The following ZNF736 variants were observed in gnomAD, a reference collection of about 807,000 sequenced individuals.
ZNF736 encodes KRAB-containing zinc-finger repressor protein.
In ZNF736, 6 loss-of-function variants were observed where a neutral mutation model predicts 11.7. That is an observed-to-expected ratio of 0.51 (90% CI 0.28 to 1.01). The LOEUF is 1.01. Among genes scored for constraint, ZNF736 ranks in the 50% least tolerant of loss-of-function variants. The probability of loss-of-function intolerance (pLI) is 0.09; values close to 1 mark genes in which losing one functional copy is unlikely to be tolerated. For synonymous variants in ZNF736, 139 were observed against 164.7 expected (o/e 0.84, Z 1.19); for missense variants, 444 against 496.0 (o/e 0.90, Z 1.00).
intron 1 of ZNF736, among the ~76,000 whole-genome samples, chr7:64,324,650 A>G (rs1789058537): frequency 6.6e-6 from 1 of 152,198 alleles, no homozygotes; most frequent in Admixed American, 6.5e-5. Context: ...CTGTCCTCAG[A>G]CGCTAAATCT....
chr7:64,355,946 T>A lies in ZNF736; in HGVS notation c.*6799T>A, dbSNP rs1348087377. 1.6e-5 allele frequency: 3 copies of A among 190,614 alleles called. No individual in the cohort carries two copies. Among genetic ancestry groups the A allele is most frequent in the African/African-American group, 7.1e-5 (3 of 42,544 alleles). 11.8% of individuals were successfully genotyped at this position (190,614 alleles called of 1,614,324 possible). ...ATCAGCCTTCAGTTCTGGGTTGATT[T>A]GGGGGCAATTGGATGATATATAGAG... On this transcript the variant is annotated 3_prime_UTR_variant, in exon 4 of 4. Transcript: ENST00000423484.
rs544894252 is a variant in ZNF736, at chr7:64,348,859, G to C, written c.996G>C (p.Lys332Asn). 1 of 1,605,260 alleles carries C rather than the reference G, an allele frequency of 6.2e-7. No individual in the cohort carries two copies. The highest frequency in any genetic ancestry group is 1.1e-5 in the South Asian group (1 of 90,140). ...GGTTCTCGGCCCTTAGTAAACATAAGAGAATTCATACTGGAGAGAAACCCT... is the reference window on the plus strand; with the variant it reads ...GGTTCTCGGCCCTTAGTAAACATAACAGAATTCATACTGGAGAGAAACCCT... ...FKWFSALSKH[K>N]RIHTGEKPYI... is the part of the protein sequence containing the mutation. Residue 332 changes from lysine (K) to asparagine (N), a missense_variant, in exon 4 of 4, where the codon AAG becomes AAC. By Grantham distance (94) the Lys-to-Asn change is moderately conservative. Coordinates refer to ENST00000423484, the MANE Select transcript of ZNF736 (RefSeq NM_001170905.3).
chr7:64,349,219 G>A lies in ZNF736; in HGVS notation c.*72G>A, dbSNP rs1789454470. On this transcript the variant is annotated 3_prime_UTR_variant, in exon 4 of 4. Transcript: ENST00000423484. ...TGAAATTTAATACTGAACAAATGCA[G>A]TATAAATGTAATGACAGTGGAAGAA... 2 of 1,237,790 alleles carry A rather than the reference G, an allele frequency of 1.6e-6. No individual in the cohort carries two copies. The highest frequency in any genetic ancestry group is 2.9e-5 in the Admixed American group (1 of 34,558). 76.7% of individuals were successfully genotyped at this position (1,237,790 alleles called of 1,614,324 possible).
At chr7:64,347,217 C>CTTTTTTTTTTTTTTT (rs35033527) in intron 3 of ZNF736, among the ~76,000 whole-genome samples, 11 of 55,870 alleles carry the variant, frequency 2.0e-4, no homozygotes, top group Admixed American at 2.6e-4. Flanking sequence ...AAATGTTCGC[C>CTTTTTTTTTTTTTTT]TTTTTTTTTT....
Position 64,337,755 on chromosome 7 carries a change from G to GTTTTTTTTTTTTTTTTTTTTTTTTT in ZNF736, c.226+773_226+774insTTTTTTTTTTTTTTTTTTTTTTTTT, listed in dbSNP as rs147991832. 3.5e-5 allele frequency among the ~76,000 whole-genome samples: 3 copies of GTTTTTTTTTTTTTTTTTTTTTTTTT among 86,254 alleles called. 1 individual carries two copies. 56.6% of individuals were successfully genotyped at this position (86,254 alleles called of 152,430 possible). A position where few individuals can be genotyped will look rare whatever the true frequency, so the allele number is the denominator to read the frequency against. On this transcript the variant is annotated intron_variant, in intron 3 of 3. Transcript: ENST00000423484. ...TGTTTTGTTTTGTTTTGTTTTTTTT[G>GTTTTTTTTTTTTTTTTTTTTTTTTT]GTTTTTTTTTTTTTTTGAGACAGAG...
At chr7:64,329,765 C>G (rs779658930) in intron 1 of ZNF736, among the ~76,000 whole-genome samples, 23 of 151,928 alleles carry the variant, frequency 1.5e-4, no homozygotes, top group Non-Finnish European at 2.2e-4. Flanking sequence ...CACTACCTAG[C>G]TACTACTGAT....
At chr7:64,316,758 TAAAAG>T (rs1013884101) in intron 1 of ZNF736, among the ~76,000 whole-genome samples, 30 of 152,188 alleles carry the variant, frequency 2.0e-4, no homozygotes, top group Non-Finnish European at 4.0e-4. Flanking sequence ...AAAAATTTTC[TAAAAG>T]AAAAGAGGTA....
chr7:64,337,879 C>G (rs1789282338), intron 3 of ZNF736, among the ~76,000 whole-genome samples: 1 of 151,798 alleles, frequency 6.6e-6, no homozygotes, highest in Non-Finnish European at 1.5e-5. Flanking sequence ...CTCAGCCTCC[C>G]TAGTAGCTGG....
At chr7:64,328,325 G>A (rs1382344803) in intron 1 of ZNF736, among the ~76,000 whole-genome samples, 1 of 151,516 alleles carries the variant, frequency 6.6e-6, no homozygotes, top group African/African-American at 2.4e-5. Context: ...TGGCCTGTAA[G>A]ATTTCCATCT....
intron 1 of ZNF736, among the ~76,000 whole-genome samples, chr7:64,322,405 C>T (rs558125588): frequency 6.6e-6 from 1 of 152,264 alleles, no homozygotes; most frequent in East Asian, 1.9e-4. Context: ...AGTATATCAT[C>T]TACAAATAGA....
intron 1 of ZNF736, among the ~76,000 whole-genome samples, chr7:64,322,375 TC>T (rs796138000): frequency 4.8e-4 from 73 of 152,324 alleles, no homozygotes; most frequent in African/African-American, 1.7e-3. Flanking sequence ...ATTTGTCAAA[TC>T]TCTTGAGTTT....
At chr7:64,330,669 C>T (rs1018804349) in intron 1 of ZNF736, among the ~76,000 whole-genome samples, 1 of 152,120 alleles carries the variant, frequency 6.6e-6, no homozygotes, top group African/African-American at 2.4e-5. Context: ...TTGCACTGTA[C>T]TGGGTCTCAC....
Position 64,348,603 on chromosome 7 carries a change from A to G in ZNF736, c.740A>G (p.His247Arg). ...TFTCSSTLVK[H>R]KRNHTGDRPY... is the part of the protein sequence containing the mutation. ...ACCTGCTCCTCAACCCTTGTTAAAC[A>G]CAAGAGAAATCATACTGGAGACAGA... Residue 247 changes from histidine (H) to arginine (R), a missense_variant, in exon 4 of 4, where the codon CAC becomes CGC. Physicochemically the swap from His to Arg is conservative, Grantham distance 29. Coordinates refer to ENST00000423484, the MANE Select transcript of ZNF736 (RefSeq NM_001170905.3). 2 of 1,600,012 alleles carry G rather than the reference A, an allele frequency of 1.2e-6. No individual in the cohort carries two copies. Among genetic ancestry groups the G allele is most frequent in the South Asian group, 1.1e-5 (1 of 89,572 alleles).
intron 3 of ZNF736, among the ~76,000 whole-genome samples, chr7:64,347,217 C>CTTTTTTTTTTTTTTTTTTTTT (rs35033527): frequency 1.8e-5 from 1 of 55,874 alleles, no homozygotes; most frequent in African/African-American, 7.6e-5. Context: ...AAATGTTCGC[C>CTTTTTTTTTTTTTTTTTTTTT]TTTTTTTTTT....
chr7:64,354,165 G>A lies in ZNF736; in HGVS notation c.*5018G>A, dbSNP rs1257649643. 1.3e-5 allele frequency: 2 copies of A among 152,114 alleles called. No homozygotes were observed. The highest frequency in any genetic ancestry group is 2.4e-5 in the African/African-American group (1 of 41,424). 9.4% of individuals were successfully genotyped at this position (152,114 alleles called of 1,614,324 possible). On this transcript the variant is annotated 3_prime_UTR_variant, in exon 4 of 4. Transcript: ENST00000423484. ...AATGAAGATTATGAGTATAATTGGAGCTATATGTTTCTGAATTCTGAACAA... is the reference window on the plus strand; with the variant it reads ...AATGAAGATTATGAGTATAATTGGAACTATATGTTTCTGAATTCTGAACAA...
At chr7:64,337,244 G>A (rs1335647334) in intron 3 of ZNF736, 27 of 437,000 alleles carry the variant, frequency 6.2e-5, no homozygotes, top group Non-Finnish European at 1.1e-4. Context: ...TTAGTTTACA[G>A]CAATAATGAA....
intron 1 of ZNF736, among the ~76,000 whole-genome samples, chr7:64,331,155 G>C (rs1187461651): frequency 6.6e-6 from 1 of 152,188 alleles, no homozygotes; most frequent in Non-Finnish European, 1.5e-5. Flanking sequence ...CAGTGGCTTA[G>C]ACTGCCTTTC....
At chr7:64,346,476 C>CT (rs35933292) in intron 3 of ZNF736, among the ~76,000 whole-genome samples, 5 of 138,716 alleles carry the variant, frequency 3.6e-5, no homozygotes, top group South Asian at 2.4e-4. Flanking sequence ...CTTGCTTAGA[C>CT]TTTTTTTTTT....
chr7:64,328,999 C>T (rs1457272827), intron 1 of ZNF736, among the ~76,000 whole-genome samples: 1 of 150,688 alleles, frequency 6.6e-6, no homozygotes, highest in Non-Finnish European at 1.5e-5. Context: ...GTTCAAATAA[C>T]CTGTGTTCAA....
Sources: gnomAD v4.1 joint callset for allele counts (sites outside exome capture counted in the v4.1 genomes callset) on GRCh38, gnomAD v4.1.1 for gene constraint, MANE v1.5 for transcripts, NCBI Gene and HGNC (gene_info 2026-07-23, HGNC 2026-07-21) for gene names.